Variants in ABI3BP observed in about 807,000 individuals in gnomAD.
ABI3BP encodes ABI family member 3 binding protein.
In ABI3BP, 216 loss-of-function variants were observed where a neutral mutation model predicts 268.6. The observed-to-expected ratio is 0.80, with a 90% CI of 0.72 to 0.90. The LOEUF (loss-of-function observed/expected upper bound fraction) is 0.90. Among genes scored for constraint, ABI3BP ranks in the 40% least tolerant of loss-of-function variants. The probability of loss-of-function intolerance (pLI) is 0.00; values close to 1 mark genes in which losing one functional copy is unlikely to be tolerated. For synonymous variants in ABI3BP, 730 were observed against 730.0 expected (o/e 1.00, Z 0.00); for missense variants, 2,090 against 2,182.4 (o/e 0.96, Z 0.84).
intron 6 of ABI3BP, among the ~76,000 whole-genome samples, chr3:100,884,876 A>T (rs958662377): frequency 6.6e-6 from 1 of 152,114 alleles, no homozygotes; most frequent in Non-Finnish European, 1.5e-5. Context: ...AAATGCGAAC[A>T]TGTCTGTGGT....
At chr3:100,775,452 C>A in intron 59 of ABI3BP, 117 bp from the exon 60 acceptor site, 2 of 1,363,136 alleles carry the variant, frequency 1.5e-6, no homozygotes, top group South Asian at 2.7e-5. Flanking sequence ...GCACTATAGA[C>A]CAGGCTTGGA....
At chr3:100,984,195 G>T (rs1444174986) in intron 1 of ABI3BP, among the ~76,000 whole-genome samples, 1 of 151,892 alleles carries the variant, frequency 6.6e-6, no homozygotes, top group Non-Finnish European at 1.5e-5. Context: ...ATTTGTTGGG[G>T]AGGCAGAGCA....
At chr3:100,853,929 G>C (rs2098901859) in intron 14 of ABI3BP, among the ~76,000 whole-genome samples, 1 of 152,078 alleles carries the variant, frequency 6.6e-6, no homozygotes, top group Non-Finnish European at 1.5e-5. Context: ...TAGTTTCCAT[G>C]AGTTGGAAAT....
intron 14 of ABI3BP, among the ~76,000 whole-genome samples, chr3:100,858,858 G>A (rs963993993): frequency 6.6e-6 from 1 of 152,102 alleles, no homozygotes; most frequent in Admixed American, 6.6e-5. Flanking sequence ...ATCACCCAGA[G>A]CACAAACATT....
chr3:100,782,358 C>T (rs967370555), intron 57 of ABI3BP, among the ~76,000 whole-genome samples: 2 of 151,170 alleles, frequency 1.3e-5, no homozygotes, highest in African/African-American at 4.9e-5. Flanking sequence ...TTTTTTTTAT[C>T]CAGGGAGAAA....
chr3:100,820,862 A>G (rs2098197452), intron 39 of ABI3BP, among the ~76,000 whole-genome samples, 192 bp downstream of exon 39: 1 of 152,228 alleles, frequency 6.6e-6, no homozygotes, highest in Non-Finnish European at 1.5e-5. Context: ...AGGTTCATGC[A>G]TGGCTCTTTT....
At chr3:100,828,302 AC>A in intron 34 of ABI3BP, 90 bp downstream of exon 34, 1 of 1,281,160 alleles carries the variant, frequency 7.8e-7, no homozygotes, top group Non-Finnish European at 1.1e-6. Context: ...CCGTTACAAA[AC>A]CAAAAATGTA....
In ABI3BP at chr3:100,749,678, AGACTT is replaced by A. The variant is rs1254751931; in HGVS notation, c.*812_*816del. 9 of 398,604 alleles carry A rather than the reference AGACTT, an allele frequency of 2.3e-5. No homozygotes were observed. Among genetic ancestry groups the A allele is most frequent in the South Asian group, 1.3e-4 (1 of 7,854 alleles). 24.7% of individuals were successfully genotyped at this position (398,604 alleles called of 1,614,324 possible). On this transcript the variant is annotated 3_prime_UTR_variant, in exon 68 of 68. Transcript: ENST00000471714. ...CATCGTGCATTATCTTTTTGTGCTCAGACTTGACTTCACATTCAGTCTCTACATAC... is the reference window on the plus strand; with the variant it reads ...CATCGTGCATTATCTTTTTGTGCTCAGACTTCACATTCAGTCTCTACATAC...
intron 4 of ABI3BP, among the ~76,000 whole-genome samples, chr3:100,888,508 C>A (rs1322739584): frequency 6.6e-6 from 1 of 152,080 alleles, no homozygotes; most frequent in Non-Finnish European, 1.5e-5. Flanking sequence ...GCTAACAGAA[C>A]TACTGAAGGT....
chr3:100,969,567 A>G (rs185456327), intron 1 of ABI3BP, among the ~76,000 whole-genome samples: 20 of 152,348 alleles, frequency 1.3e-4, no homozygotes, highest in African/African-American at 4.3e-4. Context: ...ACAGAACAGC[A>G]TCTTGTTCCA....
At chr3:100,954,991 T>TC (rs2076332309) in intron 1 of ABI3BP, among the ~76,000 whole-genome samples, 1 of 29,590 alleles carries the variant, frequency 3.4e-5, no homozygotes, top group Non-Finnish European at 7.5e-5. Flanking sequence ...TTTTTTTTTT[T>TC]TTTTTTTTTA....
At chr3:100,990,828 T>G (rs1430312031) in intron 1 of ABI3BP, among the ~76,000 whole-genome samples, 2 of 152,158 alleles carry the variant, frequency 1.3e-5, no homozygotes, top group East Asian at 3.9e-4. Flanking sequence ...AAGTCCTGGC[T>G]CCACCATTAA....
At chr3:100,838,707 C>T (rs975027125) in intron 24 of ABI3BP, among the ~76,000 whole-genome samples, 4 of 152,070 alleles carry the variant, frequency 2.6e-5, no homozygotes, top group African/African-American at 9.7e-5. Flanking sequence ...TGAGGACAGT[C>T]ATAAGACATT....
chr3:100,902,956 T>G (rs367607050), intron 2 of ABI3BP, among the ~76,000 whole-genome samples: 2 of 152,230 alleles, frequency 1.3e-5, no homozygotes, highest in Non-Finnish European at 2.9e-5. Context: ...TTTTAAACGC[T>G]GTCTTCATCA....
Position 100,868,582 on chromosome 3 carries a change from T to A in ABI3BP, c.911-1626A>T, listed in dbSNP as rs79110623. Reference sequence around the variant, plus strand: ...ATTAGAAAGTCATCTTTCACGACGTTTATAGCAGCAAATCAGTTTTCAATC... The same window carrying A: ...ATTAGAAAGTCATCTTTCACGACGTATATAGCAGCAAATCAGTTTTCAATC... On this transcript the variant is annotated intron_variant, in intron 9 of 67. Transcript: ENST00000471714. Among the ~76,000 whole-genome samples the A allele has an allele frequency of 2.8e-3, 434 of 152,322 alleles. 5 individuals carry two copies. The highest frequency in any genetic ancestry group is 0.01 in the African/African-American group (420 of 41,578).
At chr3:100,888,923 C>T (rs2043200290) in intron 4 of ABI3BP, among the ~76,000 whole-genome samples, 2 of 151,460 alleles carry the variant, frequency 1.3e-5, no homozygotes, top group African/African-American at 4.9e-5. Context: ...TGATAATAAA[C>T]AGTTCTTTAT....
chr3:100,930,442 G>C (rs745881010), intron 1 of ABI3BP, among the ~76,000 whole-genome samples: 1 of 151,884 alleles, frequency 6.6e-6, no homozygotes, highest in Non-Finnish European at 1.5e-5. Flanking sequence ...ACACCTTAGT[G>C]CATCTGTTAA....
chr3:100,756,984 G>A (rs998854075), intron 63 of ABI3BP, among the ~76,000 whole-genome samples: 2 of 85,652 alleles, frequency 2.3e-5, no homozygotes, highest in African/African-American at 6.9e-5. Flanking sequence ...ATAGGTCTAA[G>A]AGAAATGTCT....
rs1327888636 is a variant in ABI3BP at position 100,749,987 on chromosome 3, A to AAATTGAAGTTTAAATAT, written c.*491_*507dup. ...TAAAAAATTGAAGTTTAAATATAAA[A>AAATTGAAGTTTAAATAT]AATTGAAGTTTAAATATAAATGTGA... On this transcript the variant is annotated 3_prime_UTR_variant, in exon 68 of 68. Coordinates refer to ENST00000471714, the MANE Select transcript of ABI3BP (RefSeq NM_001375547.2). The AAATTGAAGTTTAAATAT allele has an allele frequency of 1.4e-5, 5 of 350,170 alleles. No individual in the cohort carries two copies. Among genetic ancestry groups the AAATTGAAGTTTAAATAT allele is most frequent in the African/African-American group, 2.4e-5 (1 of 41,494 alleles). The allele number at this position is 350,170 out of a possible 1,614,324, so 21.7% of individuals were successfully genotyped here.
Sources: allele counts gnomAD v4.1 joint callset (sites outside exome capture counted in the v4.1 genomes callset), GRCh38; gene constraint gnomAD v4.1.1; transcripts MANE v1.5; gene names NCBI Gene and HGNC (gene_info 2026-07-23, HGNC 2026-07-21).